The following ENTREP2 variants were observed in gnomAD, a reference collection of about 807,000 sequenced individuals.
The protein encoded by ENTREP2 is protein ENTREP2.
the ENTREP2 span, among the ~76,000 whole-genome samples, chr15:29,124,118 C>T: frequency 6.6e-6 from 1 of 152,184 alleles, no homozygotes. Flanking sequence ...CAGGCAGCCA[C>T]CACTCAGTGC....
chr15:29,130,598 G>A, the ENTREP2 span, among the ~76,000 whole-genome samples: 1 of 152,176 alleles, frequency 6.6e-6, no homozygotes, highest in Non-Finnish European at 1.5e-5. Context: ...AGTGGGACAA[G>A]GTCAGGAGGA....
chr15:29,512,780 G>A, the ENTREP2 span, among the ~76,000 whole-genome samples: 1 of 152,126 alleles, frequency 6.6e-6, no homozygotes, highest in Non-Finnish European at 1.5e-5. Context: ...CCAGTTTATG[G>A]TATCCCATTA....
chr15:29,650,177 T>G, the ENTREP2 span, among the ~76,000 whole-genome samples: 1 of 143,614 alleles, frequency 7.0e-6, no homozygotes, highest in Non-Finnish European at 1.5e-5. Context: ...TAACTAAACT[T>G]AAAAAAAAAA....
chr15:29,277,193 A>C, the ENTREP2 span, among the ~76,000 whole-genome samples: 1 of 152,014 alleles, frequency 6.6e-6, no homozygotes, highest in African/African-American at 2.4e-5. Flanking sequence ...AAAATACAAA[A>C]ATTAGCCAGG....
At chr15:29,226,808 C>A in the ENTREP2 span, among the ~76,000 whole-genome samples, 1 of 152,182 alleles carries the variant, frequency 6.6e-6, no homozygotes, top group Non-Finnish European at 1.5e-5. Flanking sequence ...GAGATAGTCT[C>A]AAAATTAAGG....
chr15:29,615,629 T>C, the ENTREP2 span, among the ~76,000 whole-genome samples: 1 of 152,134 alleles, frequency 6.6e-6, no homozygotes, highest in Non-Finnish European at 1.5e-5. Flanking sequence ...CCCACCTAAA[T>C]GTTTGAGTCA....
At chr15:29,538,431 A>G in the ENTREP2 span, among the ~76,000 whole-genome samples, 34 of 152,080 alleles carry the variant, frequency 2.2e-4, no homozygotes, top group African/African-American at 7.2e-4. Flanking sequence ...TTAGGTAAAG[A>G]AGGAAGTGAG....
the ENTREP2 span, among the ~76,000 whole-genome samples, chr15:29,135,672 A>G: frequency 6.6e-6 from 1 of 152,134 alleles, no homozygotes; most frequent in Non-Finnish European, 1.5e-5. This position sits in a 1 kb window ranked among gnomAD's most constrained non-coding sequence, Gnocchi z 7.4. Context: ...CATTTTACAG[A>G]TGAGGAAACT....
the ENTREP2 span, among the ~76,000 whole-genome samples, chr15:29,551,108 G>A: frequency 6.6e-6 from 1 of 152,146 alleles, no homozygotes; most frequent in Admixed American, 6.5e-5. Context: ...CACACAACAT[G>A]GTTTGAACAC....
chr15:29,569,117 T>C, the ENTREP2 span, among the ~76,000 whole-genome samples: 7 of 152,216 alleles, frequency 4.6e-5, no homozygotes, highest in East Asian at 7.7e-4. Flanking sequence ...GTGAAAACTA[T>C]ATAGAGAGGG....
chr15:29,453,760 GTATAGCAGGAATCT>G, the ENTREP2 span, among the ~76,000 whole-genome samples: 1 of 152,142 alleles, frequency 6.6e-6, no homozygotes, highest in Non-Finnish European at 1.5e-5. Context: ...GAATCCTACT[GTATAGCAGGAATCT>G]TGCTGTGTTC....
the ENTREP2 span, among the ~76,000 whole-genome samples, chr15:29,308,692 AT>A: frequency 6.6e-6 from 1 of 152,210 alleles, no homozygotes; most frequent in East Asian, 1.9e-4. Flanking sequence ...AACAGGAATT[AT>A]TTTTAGAATG....
the ENTREP2 span, among the ~76,000 whole-genome samples, chr15:29,278,837 A>T: frequency 1.3e-5 from 2 of 152,206 alleles, no homozygotes; most frequent in Non-Finnish European, 2.9e-5. Flanking sequence ...CTGCCACAGC[A>T]GAATACCACA....
the ENTREP2 span, chr15:29,122,809 A>AT: frequency 2.6e-5 from 4 of 153,500 alleles, no homozygotes; most frequent in East Asian, 7.7e-4. Flanking sequence ...AACACTACCT[A>AT]TTTCCTTTCA....
chr15:29,570,915 C>T, the ENTREP2 span, among the ~76,000 whole-genome samples: 1 of 144,120 alleles, frequency 6.9e-6, no homozygotes, highest in Admixed American at 6.8e-5. Context: ...CAGCCCCCGC[C>T]GGTGCCCGCG....
the ENTREP2 span, among the ~76,000 whole-genome samples, chr15:29,618,940 G>A: frequency 7.2e-5 from 11 of 152,326 alleles, no homozygotes; most frequent in East Asian, 1.4e-3. Flanking sequence ...GCAGGAGACA[G>A]AGCCTAAGCA....
chr15:29,438,362 C>A, the ENTREP2 span, among the ~76,000 whole-genome samples: 1 of 152,148 alleles, frequency 6.6e-6, no homozygotes, highest in Non-Finnish European at 1.5e-5. Flanking sequence ...CTGACGTGTG[C>A]AAAACGAAAG....
chr15:29,414,499 A>G, the ENTREP2 span, among the ~76,000 whole-genome samples: 11 of 152,340 alleles, frequency 7.2e-5, no homozygotes, highest in East Asian at 1.9e-3. Flanking sequence ...CATTCAAAGC[A>G]GTGTGTAGAG....
the ENTREP2 span, among the ~76,000 whole-genome samples, chr15:29,568,929 C>T: frequency 6.6e-6 from 1 of 152,144 alleles, no homozygotes; most frequent in South Asian, 2.1e-4. Context: ...TCTCTCCACA[C>T]CCTTGGGAAC....
Sources: allele counts gnomAD v4.1 joint callset (sites outside exome capture counted in the v4.1 genomes callset), GRCh38; gene constraint gnomAD v4.1.1; non-coding constraint Gnocchi (gnomAD v3.1); transcripts MANE v1.5; gene names NCBI Gene and HGNC (gene_info 2026-07-23, HGNC 2026-07-21).